POGLUT3: variants seen among roughly 807,000 people sequenced by gnomAD.
The protein encoded by POGLUT3 is KDEL (Lys-Asp-Glu-Leu) containing 2.
POGLUT3 carries 48 observed loss-of-function variants against 54.3 expected under a neutral mutation model. The observed-to-expected ratio is 0.88, with a 90% CI of 0.70 to 1.12. The LOEUF (loss-of-function observed/expected upper bound fraction) is 1.12. Ranked by LOEUF, POGLUT3 falls within the 50% of genes most tolerant of loss-of-function variation. The pLI is 0.00. For synonymous variants in POGLUT3, 218 were observed against 237.4 expected (o/e 0.92, Z 0.75); for missense variants, 629 against 618.7 (o/e 1.02, Z -0.18).
At position 108,477,854 on chromosome 11, in the gene POGLUT3, A is replaced by C. The variant is rs990742533; in HGVS notation, c.1294-143T>G. The C allele has an allele frequency of 7.5e-6, 5 of 662,484 alleles. No individual in the cohort carries two copies. The African/African-American group carries it at 9.1e-5, about 12-fold the overall frequency. 41.0% of individuals were successfully genotyped at this position (662,484 alleles called of 1,614,324 possible). ...AACATAATGGAATTATAACTTAAGA[A>C]TGAGGCTACAGGGGCCGGACATGGT... is the stretch of plus-strand genomic sequence containing the variant. On this transcript the variant is annotated intron_variant, in intron 6 of 7. Coordinates refer to ENST00000323468, the MANE Select transcript of POGLUT3 (RefSeq NM_153705.5).
At position 108,477,126 on chromosome 11, in the gene POGLUT3, G is replaced by A. The variant is rs533140540; in HGVS notation, c.1398+481C>T. Among the ~76,000 whole-genome samples the A allele has an allele frequency of 6.2e-4, 95 of 152,292 alleles. 2 individuals carry two copies. In the South Asian group the frequency reaches 0.018, roughly 29 times the overall value. ...ATGAAAATATGGAGGCCACGGCTGGGCGTGGTGGCTCACACCTGTATCCCA... is the reference window on the plus strand; with the variant it reads ...ATGAAAATATGGAGGCCACGGCTGGACGTGGTGGCTCACACCTGTATCCCA... On this transcript the variant is annotated intron_variant, in intron 7 of 7. Coordinates refer to ENST00000323468, the MANE Select transcript of POGLUT3 (RefSeq NM_153705.5).
At chr11:108,497,970 C>A (rs1345192143) in intron 1 of POGLUT3, among the ~76,000 whole-genome samples, 195 bp downstream of exon 1, 1 of 152,206 alleles carries the variant, frequency 6.6e-6, no homozygotes, top group African/African-American at 2.4e-5. Flanking sequence ...TTCATTCATT[C>A]ATTCCACAAA....
intron 1 of POGLUT3, among the ~76,000 whole-genome samples, chr11:108,497,638 C>G (rs949442663): frequency 6.6e-6 from 1 of 152,224 alleles, no homozygotes; most frequent in Non-Finnish European, 1.5e-5. Context: ...TTCCTGTAAT[C>G]TGCTTTCAAA....
chr11:108,495,402 T>C (rs1301764940), intron 1 of POGLUT3, among the ~76,000 whole-genome samples: 4 of 152,102 alleles, frequency 2.6e-5, no homozygotes, highest in Non-Finnish European at 5.9e-5. Context: ...AACTTCTGAG[T>C]TCAGGCAGTC....
At chr11:108,486,872 T>C (rs2093604428) in intron 2 of POGLUT3, 1 of 158,252 alleles carries the variant, frequency 6.3e-6, no homozygotes, top group African/African-American at 2.4e-5. Flanking sequence ...TCTGAAAAAC[T>C]AGTTCGGCCA....
In POGLUT3 at chr11:108,490,544, T is replaced by C. The variant is rs558023648; in HGVS notation, c.400+426A>G. ...TGCCACTGTACTCCAGCCTGGGCCA[T>C]AGAGCAAGACCCTGTCTCAAAGTAA... On this transcript the variant is annotated intron_variant, in intron 2 of 7. Coordinates refer to ENST00000323468, the MANE Select transcript of POGLUT3 (RefSeq NM_153705.5). Among the ~76,000 whole-genome samples the C allele has an allele frequency of 8.5e-5, 13 of 152,126 alleles. No homozygotes were observed. In the South Asian group the frequency reaches 2.5e-3, roughly 29 times the overall value.
chr11:108,481,161 A>G lies in POGLUT3; in HGVS notation c.1098+19T>C, dbSNP rs185925501. 13 of 1,570,018 alleles carry G rather than the reference A, an allele frequency of 8.3e-6. No individual in the cohort carries two copies. In the East Asian group the frequency reaches 1.8e-4, roughly 22 times the overall value. ...AATTTTATCGCTTCATATCCATAGA[A>G]GAAGACTCAAATGCATACCTTAAAG... On this transcript the variant is annotated intron_variant, in intron 5 of 7. Transcript: ENST00000323468.
intron 2 of POGLUT3, among the ~76,000 whole-genome samples, chr11:108,487,759 G>A (rs1051772526): frequency 2.0e-5 from 3 of 150,460 alleles, no homozygotes; most frequent in Admixed American, 2.0e-4. Flanking sequence ...TTACAGGTGT[G>A]CACCACCATG....
Position 108,474,481 on chromosome 11 carries a change from A to C in POGLUT3, c.*346T>G, listed in dbSNP as rs1360673714. On this transcript the variant is annotated 3_prime_UTR_variant, in exon 8 of 8. Transcript: ENST00000323468. ...TGTATACAAACTTTGTTTCATGCAC[A>C]AATTATTAAAAATATTATATAAAAT... is the stretch of plus-strand genomic sequence containing the variant. 2 of 155,244 alleles carry C rather than the reference A, an allele frequency of 1.3e-5. No homozygotes were observed. The highest frequency in any genetic ancestry group is 4.8e-5 in the African/African-American group (2 of 41,570). 9.6% of individuals were successfully genotyped at this position (155,244 alleles called of 1,614,324 possible).
At chr11:108,491,390 T>C (rs2093613083) in intron 1 of POGLUT3, 1 of 598,998 alleles carries the variant, frequency 1.7e-6, no homozygotes, top group South Asian at 2.1e-5. Flanking sequence ...GGTCTTGCTC[T>C]GTCATCCAGC....
intron 2 of POGLUT3, among the ~76,000 whole-genome samples, chr11:108,487,863 C>T (rs1160883495): frequency 2.0e-5 from 3 of 152,086 alleles, no homozygotes; most frequent in Non-Finnish European, 4.4e-5. Flanking sequence ...CCACCTGCCT[C>T]GGCCTCCCAA....
At chr11:108,484,025 G>C (rs776654489) in intron 3 of POGLUT3, among the ~76,000 whole-genome samples, 5 of 152,076 alleles carry the variant, frequency 3.3e-5, no homozygotes, top group Non-Finnish European at 5.9e-5. Context: ...TGCTCACTGT[G>C]GAGTAGGGTT....
Position 108,479,488 on chromosome 11 carries a change from T to TA in POGLUT3, c.1105dup (p.Tyr369LeufsTer33), listed in dbSNP as rs766171309. 31 of 1,586,394 alleles carry TA rather than the reference T, an allele frequency of 2.0e-5. No individual in the cohort carries two copies. Among genetic ancestry groups the TA allele is most frequent in the African/African-American group, 2.7e-5 (2 of 73,474 alleles). On this transcript the variant is annotated frameshift_variant, in exon 6 of 8. Coordinates refer to ENST00000323468, the MANE Select transcript of POGLUT3 (RefSeq NM_153705.5). LOFTEE classifies it high-confidence loss of function. ...CACGGTCCCATCCACATTTACTTGA[T>TA]ACTTGTACTGGAAGATGAAAAACAA...
In POGLUT3 at chr11:108,482,129, T is replaced by A; in HGVS notation, c.778A>T (p.Ile260Phe). 1 of 1,614,040 alleles carries A rather than the reference T, an allele frequency of 6.2e-7. No individual in the cohort carries two copies. Among genetic ancestry groups the A allele is most frequent in the Non-Finnish European group, 8.5e-7 (1 of 1,179,972 alleles). Residue 260 changes from isoleucine to phenylalanine, a missense_variant, in exon 4 of 8, where the codon ATT becomes TTT. Coordinates refer to ENST00000323468, the MANE Select transcript of POGLUT3 (RefSeq NM_153705.5). ...VNGTPSPIPI[I>F]SWCGSLDSRD... ...GAATCCAGAGAGCCACACCATGAAA[T>A]GATAGGTATGGGGCTAGGGGTTCCA...
In POGLUT3 at chr11:108,472,791, T is replaced by C. The variant is rs1047750799; in HGVS notation, c.*2036A>G. On this transcript the variant is annotated 3_prime_UTR_variant, in exon 8 of 8. Coordinates refer to ENST00000323468, the MANE Select transcript of POGLUT3 (RefSeq NM_153705.5). ...GACAAGCCTCAAACACAATGTACAA[T>C]ATTTAAGACACAAATTCATTAGGTA... 1 of 152,212 alleles carries C rather than the reference T, an allele frequency of 6.6e-6. No individual in the cohort carries two copies. Among genetic ancestry groups the C allele is most frequent in the Non-Finnish European group, 1.5e-5 (1 of 68,034 alleles). 9.4% of individuals were successfully genotyped at this position (152,212 alleles called of 1,614,324 possible).
intron 7 of POGLUT3, among the ~76,000 whole-genome samples, chr11:108,475,964 G>A (rs926850409): frequency 6.6e-6 from 1 of 151,960 alleles, no homozygotes; most frequent in African/African-American, 2.4e-5. Context: ...GGGAAACACG[G>A]CAAGAGCTTG....
chr11:108,479,724 A>T (rs11212666), intron 5 of POGLUT3, among the ~76,000 whole-genome samples: 57,119 of 152,080 alleles, frequency 0.38, 11,677 homozygotes, highest in Middle Eastern at 0.63. Context: ...AAGGTGCTAA[A>T]TTTTTGGAAA....
intron 2 of POGLUT3, among the ~76,000 whole-genome samples, chr11:108,489,901 T>C (rs2093610078): frequency 2.0e-5 from 3 of 152,310 alleles, no homozygotes. Context: ...TATTTCGTTT[T>C]GAGACAGGGG....
At chr11:108,479,672 G>GT (rs2093589105) in intron 5 of POGLUT3, among the ~76,000 whole-genome samples, 177 bp from the exon 6 acceptor site, 1 of 151,998 alleles carries the variant, frequency 6.6e-6, no homozygotes, top group Non-Finnish European at 1.5e-5. Flanking sequence ...ATCACAAGCA[G>GT]CATTTCTCAG....
Sources: gnomAD v4.1 joint callset for allele counts (sites outside exome capture counted in the v4.1 genomes callset) on GRCh38, gnomAD v4.1.1 for gene constraint, MANE v1.5 for transcripts, NCBI Gene and HGNC (gene_info 2026-07-23, HGNC 2026-07-21) for gene names.